The following C4orf36 variants were observed in gnomAD, a reference collection of about 807,000 sequenced individuals.
C4orf36 encodes uncharacterized protein C4orf36.
A neutral mutation model predicts 12.2 loss-of-function variants in C4orf36; 11 were observed. The ratio of observed to expected loss-of-function variants is 0.90; its 90% confidence interval spans 0.57 to 1.49. The LOEUF is 1.49. C4orf36 is among the 40% of genes most tolerant of loss of function. C4orf36 has a pLI of 0.00. For missense variants in C4orf36, 137 were observed against 133.9 expected, an observed-to-expected ratio of 1.02 and a Z score of -0.11; for synonymous variants, 54 against 51.3, an observed-to-expected ratio of 1.05 and a Z score of -0.22.
chr4:86,916,729 C>T, the C4orf36 span, among the ~76,000 whole-genome samples: 1,449 of 152,296 alleles, frequency 9.5e-3, 25 homozygotes, highest in African/African-American at 0.034. Flanking sequence ...CCAGAACCTC[C>T]ACAGACTCAT....
the C4orf36 span, among the ~76,000 whole-genome samples, chr4:86,916,447 G>A: frequency 6.6e-6 from 1 of 151,556 alleles, no homozygotes. Context: ...ATGATGGCAG[G>A]AATGGAGGCT....
At chr4:86,897,535 C>A in the C4orf36 span, among the ~76,000 whole-genome samples, 1 of 152,200 alleles carries the variant, frequency 6.6e-6, no homozygotes, top group African/African-American at 2.4e-5. Context: ...CCACAAAACT[C>A]CCATTGTATC....
the C4orf36 span, among the ~76,000 whole-genome samples, chr4:86,934,158 C>T: frequency 6.6e-6 from 1 of 152,188 alleles, no homozygotes; most frequent in Non-Finnish European, 1.5e-5. Context: ...CAAATAATTT[C>T]ACCCATTTTA....
chr4:86,932,665 G>A, the C4orf36 span, among the ~76,000 whole-genome samples: 3 of 147,684 alleles, frequency 2.0e-5, no homozygotes, highest in Non-Finnish European at 3.0e-5. Context: ...TAAATTTTAA[G>A]TAAAATCATG....
chr4:86,916,270 A>G, the C4orf36 span, among the ~76,000 whole-genome samples: 1 of 152,114 alleles, frequency 6.6e-6, no homozygotes, highest in Non-Finnish European at 1.5e-5. Flanking sequence ...CATAGACTAC[A>G]AAGACGTGTG....
chr4:86,889,324 C>G (rs569965594), intron 2 of C4orf36, among the ~76,000 whole-genome samples: 81 of 147,208 alleles, frequency 5.5e-4, no homozygotes, highest in African/African-American at 2.0e-3. Context: ...GCACTTCAGC[C>G]TGGGTGAGAA....
the C4orf36 span, among the ~76,000 whole-genome samples, chr4:86,919,138 G>A: frequency 1.3e-5 from 2 of 151,406 alleles, no homozygotes; most frequent in Non-Finnish European, 2.9e-5. Context: ...GAGAGAGAGA[G>A]AGAGAGAGAG....
At chr4:86,933,898 G>A in the C4orf36 span, among the ~76,000 whole-genome samples, 238 of 152,304 alleles carry the variant, frequency 1.6e-3, no homozygotes, top group African/African-American at 5.5e-3. Context: ...GGAGTAGGGC[G>A]AAGAGTTATA....
At chr4:86,912,768 G>T in the C4orf36 span, among the ~76,000 whole-genome samples, 1 of 152,146 alleles carries the variant, frequency 6.6e-6, no homozygotes, top group Non-Finnish European at 1.5e-5. Context: ...AAATGTGTAT[G>T]AATATGGACA....
intron 4 of C4orf36, among the ~76,000 whole-genome samples, chr4:86,882,862 A>C (rs370194501): frequency 1.3e-5 from 2 of 152,154 alleles, no homozygotes; most frequent in East Asian, 3.8e-4. Flanking sequence ...GTATTACTTT[A>C]CTGTGTGATA....
At chr4:86,891,824 C>T (rs1747428193) in intron 1 of C4orf36, among the ~76,000 whole-genome samples, 1 of 152,164 alleles carries the variant, frequency 6.6e-6, no homozygotes, top group Non-Finnish European at 1.5e-5. Flanking sequence ...GACAAAGTTT[C>T]GGTGTCGCAC....
At chr4:86,920,059 T>C in the C4orf36 span, among the ~76,000 whole-genome samples, 1 of 152,120 alleles carries the variant, frequency 6.6e-6, no homozygotes, top group Non-Finnish European at 1.5e-5. Flanking sequence ...AGCTCTTCCA[T>C]CAGATATCCT....
intron 2 of C4orf36, among the ~76,000 whole-genome samples, 195 bp downstream of exon 2, chr4:86,891,261 A>G (rs1036501275): frequency 1.3e-5 from 2 of 148,952 alleles, no homozygotes; most frequent in African/African-American, 4.9e-5. Context: ...TGTAAAGACC[A>G]AGTAAGATAA....
At chr4:86,890,160 T>C (rs766801075) in intron 2 of C4orf36, 8 of 383,854 alleles carry the variant, frequency 2.1e-5, no homozygotes, top group Non-Finnish European at 3.6e-5. Context: ...TGTGAGACCC[T>C]GTCAGGAAAG....
chr4:86,903,354 T>C, the C4orf36 span, among the ~76,000 whole-genome samples: 6 of 152,206 alleles, frequency 3.9e-5, no homozygotes, highest in African/African-American at 1.4e-4. Flanking sequence ...TACTAAAAAA[T>C]ATAAAAATTA....
chr4:86,901,066 C>G, the C4orf36 span, among the ~76,000 whole-genome samples: 1 of 150,826 alleles, frequency 6.6e-6, no homozygotes, highest in African/African-American at 2.4e-5. Context: ...CTCACCACAA[C>G]CTCTGTCTCC....
At chr4:86,930,046 GT>G in the C4orf36 span, among the ~76,000 whole-genome samples, 1 of 152,260 alleles carries the variant, frequency 6.6e-6, no homozygotes, top group South Asian at 2.1e-4. Flanking sequence ...ATGAAACAAA[GT>G]ATTGAGTGCT....
At chr4:86,893,399 C>T (rs1747502007), upstream of C4orf36, among the ~76,000 whole-genome samples, 1 of 152,030 alleles carries the variant, frequency 6.6e-6, no homozygotes, top group African/African-American at 2.4e-5. Flanking sequence ...CCTGGCCAAC[C>T]GACATGGTGA....
intron 4 of C4orf36, among the ~76,000 whole-genome samples, chr4:86,882,156 G>T (rs1747067092): frequency 6.6e-6 from 1 of 152,122 alleles, no homozygotes; most frequent in Admixed American, 6.6e-5. Flanking sequence ...GTTTTCAGAG[G>T]TTCAGAAACA....
Sources: allele counts gnomAD v4.1 joint callset (sites outside exome capture counted in the v4.1 genomes callset), GRCh38; gene constraint gnomAD v4.1.1; transcripts MANE v1.5; gene names NCBI Gene and HGNC (gene_info 2026-07-23, HGNC 2026-07-21).